The following DPYD variants were observed in gnomAD, a reference collection of about 807,000 sequenced individuals.
DPYD encodes dihydropyrimidine dehydrogenase, also known as dihydropyrimidine dehydrogenase [NADP(+)].
A neutral mutation model predicts 116.2 loss-of-function variants in DPYD; 109 were observed. The observed-to-expected ratio is 0.94, with a 90% CI of 0.80 to 1.10. DPYD has a LOEUF of 1.10. Ranked by LOEUF, DPYD falls within the 50% of genes least tolerant of loss-of-function variation. The pLI, the probability that DPYD is intolerant of heterozygous loss-of-function variation, is 0.00. For synonymous variants in DPYD, 440 were observed against 432.0 expected, an observed-to-expected ratio of 1.02 and a Z score of -0.23; for missense variants, 1,302 against 1,254.5, an observed-to-expected ratio of 1.04 and a Z score of -0.57.
chr1:97,816,803 G>C (rs546103042), intron 3 of DPYD, among the ~76,000 whole-genome samples: 71 of 152,216 alleles, frequency 4.7e-4, no homozygotes, highest in African/African-American at 1.5e-3. Flanking sequence ...ACTTGAAAGA[G>C]TAATCCAGGA....
At chr1:97,748,977 T>C (rs1664713729) in intron 3 of DPYD, among the ~76,000 whole-genome samples, 1 of 152,154 alleles carries the variant, frequency 6.6e-6, no homozygotes, top group African/African-American at 2.4e-5. Context: ...ATCCTTATTA[T>C]GGTTGCATAT....
At position 97,152,773 on chromosome 1, in the gene DPYD, A is replaced by G. The variant is rs529275745; in HGVS notation, c.2622+40296T>C. ...ATCAAGTTGTCACTCTCTCAGGTAT[A>G]GCATACCTGAGAACTGAATACTTTT... is the stretch of plus-strand genomic sequence containing the variant. On this transcript the variant is annotated intron_variant, in intron 20 of 22. Transcript: ENST00000370192. Among the ~76,000 whole-genome samples the G allele has an allele frequency of 2.0e-5, 3 of 151,850 alleles. No individual in the cohort carries two copies. The East Asian group carries it at 5.8e-4, about 29-fold the overall frequency.
chr1:97,657,016 G>A (rs1018915237), intron 8 of DPYD, among the ~76,000 whole-genome samples: 12 of 146,116 alleles, frequency 8.2e-5, no homozygotes, highest in Admixed American at 1.4e-4. Flanking sequence ...AGCCCAGGCT[G>A]GAGTGCAGCA....
intron 8 of DPYD, among the ~76,000 whole-genome samples, chr1:97,642,722 G>A: frequency 8.5e-6 from 1 of 118,270 alleles, no homozygotes; most frequent in Non-Finnish European, 1.7e-5. Flanking sequence ...CACACTCTGG[G>A]GACTGTTGTG....
At chr1:97,211,491 C>G (rs1192997542) in intron 19 of DPYD, among the ~76,000 whole-genome samples, 1 of 152,150 alleles carries the variant, frequency 6.6e-6, no homozygotes, top group African/African-American at 2.4e-5. Flanking sequence ...ATTATGACCA[C>G]TACATAATAC....
At chr1:97,240,845 G>A (rs748397952) in intron 18 of DPYD, among the ~76,000 whole-genome samples, 24 of 151,858 alleles carry the variant, frequency 1.6e-4, no homozygotes, top group Non-Finnish European at 3.1e-4. Context: ...TGTTAATGAA[G>A]TTAATATACT....
At chr1:97,520,320 C>T (rs1390525147) in intron 12 of DPYD, among the ~76,000 whole-genome samples, 1 of 152,050 alleles carries the variant, frequency 6.6e-6, no homozygotes, top group African/African-American at 2.4e-5. Flanking sequence ...ATTTTACCTG[C>T]CTAAAATACA....
At chr1:97,525,947 G>A (rs1649047109) in intron 12 of DPYD, among the ~76,000 whole-genome samples, 2 of 148,128 alleles carry the variant, frequency 1.4e-5, no homozygotes, top group Non-Finnish European at 1.5e-5. Context: ...TATCTAGTGG[G>A]AAGAGTAAGT....
intron 13 of DPYD, among the ~76,000 whole-genome samples, chr1:97,468,384 T>TG (rs1677446578): frequency 1.3e-5 from 2 of 152,266 alleles, no homozygotes; most frequent in Admixed American, 1.3e-4. Context: ...GTCATGAGGG[T>TG]GGGGTCCTCA....
At chr1:97,683,690 G>T (rs1346197310) in intron 7 of DPYD, among the ~76,000 whole-genome samples, 15 of 151,898 alleles carry the variant, frequency 9.9e-5, no homozygotes, top group Admixed American at 9.8e-4. Flanking sequence ...CTCCTAAAGG[G>T]AATACCCAAT....
chr1:97,146,346 ATAT>A (rs1379377325), intron 20 of DPYD, among the ~76,000 whole-genome samples: 1 of 152,218 alleles, frequency 6.6e-6, no homozygotes, highest in African/African-American at 2.4e-5. Context: ...TGAAGGGAAG[ATAT>A]TATCGATAAT....
chr1:97,873,103 G>A (rs1257528758), intron 2 of DPYD, among the ~76,000 whole-genome samples: 1 of 151,878 alleles, frequency 6.6e-6, no homozygotes, highest in East Asian at 1.9e-4. Context: ...GACGAAACTT[G>A]ATCGTGAAAT....
At chr1:97,106,515 G>A (rs1479288562) in intron 20 of DPYD, among the ~76,000 whole-genome samples, 3 of 152,140 alleles carry the variant, frequency 2.0e-5, no homozygotes, top group Admixed American at 6.5e-5. Context: ...TGAGAGCTAG[G>A]ACATCCATCT....
In DPYD at chr1:97,271,649, G is replaced by T. The variant is rs1456127757; in HGVS notation, c.2299+33610C>A. Among the ~76,000 whole-genome samples, 5 of 152,190 alleles carry T rather than the reference G, an allele frequency of 3.3e-5. No homozygotes were observed. The East Asian group carries it at 9.6e-4, about 29-fold the overall frequency. On this transcript the variant is annotated intron_variant, in intron 18 of 22. Transcript: ENST00000370192. ...CCCCATAAAAGCATGTTTTGCTAAT[G>T]CAGATTAAAAGAAATTACTAGGGCA...
chr1:97,573,222 T>C (rs1469686440), intron 11 of DPYD, among the ~76,000 whole-genome samples: 1 of 152,080 alleles, frequency 6.6e-6, no homozygotes, highest in African/African-American at 2.4e-5. Flanking sequence ...TCTCTCATTA[T>C]CTTTTTAAAA....
At chr1:97,235,838 A>G (rs1009705262) in intron 18 of DPYD, among the ~76,000 whole-genome samples, 1 of 152,190 alleles carries the variant, frequency 6.6e-6, no homozygotes, top group Non-Finnish European at 1.5e-5. Context: ...TTGAAAAAAA[A>G]TAGGGAGTCT....
At chr1:97,523,458 C>T in intron 12 of DPYD, among the ~76,000 whole-genome samples, 1 of 152,078 alleles carries the variant, frequency 6.6e-6, no homozygotes, top group East Asian at 1.9e-4. Context: ...ATATGCATTA[C>T]ACTTAATTTT....
intron 21 of DPYD, among the ~76,000 whole-genome samples, chr1:97,096,323 T>A (rs903309501): frequency 6.6e-5 from 10 of 152,130 alleles, no homozygotes; most frequent in Non-Finnish European, 1.3e-4. Flanking sequence ...CTAGAAAAGG[T>A]AAAAATGCTT....
chr1:97,649,415 C>T (rs980059939), intron 8 of DPYD, among the ~76,000 whole-genome samples: 2 of 151,892 alleles, frequency 1.3e-5, no homozygotes, highest in Non-Finnish European at 2.9e-5. Flanking sequence ...TTTATAAATG[C>T]GTTTTTAAAT....
Sources: allele counts gnomAD v4.1 joint callset (sites outside exome capture counted in the v4.1 genomes callset), GRCh38; gene constraint gnomAD v4.1.1; transcripts MANE v1.5; gene names NCBI Gene and HGNC (gene_info 2026-07-23, HGNC 2026-07-21).